The following SEMA5B variants were observed in gnomAD, a reference collection of about 807,000 sequenced individuals.
The protein encoded by SEMA5B is semaphorin 5B, also known as semaphorin-5B.
SEMA5B carries 66 observed loss-of-function variants against 135.0 expected under a neutral mutation model. The ratio of observed to expected loss-of-function variants is 0.49; its 90% CI spans 0.40 to 0.60. The LOEUF (loss-of-function observed/expected upper bound fraction) is 0.60, where lower values mean the gene tolerates loss of function less well. Among genes scored for constraint, SEMA5B ranks in the 20% least tolerant of loss-of-function variants. The pLI is 0.00. For missense variants in SEMA5B, 1,501 were observed against 1,566.3 expected, an observed-to-expected ratio of 0.96 and a Z score of 0.70; for synonymous variants, 690 against 639.5, an observed-to-expected ratio of 1.08 and a Z score of -1.19.
At chr3:122,966,960 A>C (rs1293284898) in intron 1 of SEMA5B, among the ~76,000 whole-genome samples, 1 of 144,572 alleles carries the variant, frequency 6.9e-6, no homozygotes, top group African/African-American at 2.6e-5. Context: ...TCTTGGCTCA[A>C]CACAACCTCT....
At chr3:122,912,793 C>T (rs768615494) in intron 18 of SEMA5B, 50 bp downstream of exon 18, 7 of 1,489,190 alleles carry the variant, frequency 4.7e-6, no homozygotes, top group Non-Finnish European at 6.3e-6. Context: ...AGGGGGCCTC[C>T]AGGATGACAG....
intron 2 of SEMA5B, among the ~76,000 whole-genome samples, chr3:122,960,819 G>A (rs1047437657): frequency 2.0e-5 from 3 of 152,192 alleles, no homozygotes; most frequent in African/African-American, 7.2e-5. Context: ...TGGGGCGGGA[G>A]GAAGCCAGAG....
chr3:122,927,752 C>T (rs868787372), intron 8 of SEMA5B, 38 bp downstream of exon 8: 4 of 1,368,918 alleles, frequency 2.9e-6, no homozygotes, highest in Non-Finnish European at 3.8e-6. Flanking sequence ...GGCTCAAAAC[C>T]AGGGGAGTCC....
At chr3:123,026,614 C>T (rs1035253587) in intron 1 of SEMA5B, among the ~76,000 whole-genome samples, 1 of 152,218 alleles carries the variant, frequency 6.6e-6, no homozygotes, top group Non-Finnish European at 1.5e-5. Flanking sequence ...GGCTCCCGCC[C>T]CGCGCGGGTC....
At chr3:122,925,216 C>T (rs188870143) in intron 9 of SEMA5B, among the ~76,000 whole-genome samples, 100 of 152,018 alleles carry the variant, frequency 6.6e-4, no homozygotes, top group Non-Finnish European at 8.8e-4. Context: ...CTACAAAGCA[C>T]ACTGTGCAGC....
intron 1 of SEMA5B, among the ~76,000 whole-genome samples, chr3:122,972,762 A>G (rs1941174874): frequency 6.6e-6 from 1 of 152,176 alleles, no homozygotes; most frequent in African/African-American, 2.4e-5. Context: ...CACAACCACG[A>G]TGCCATCAGA....
rs572365070 is a variant in SEMA5B, at chr3:122,928,023, G to A, written c.637-20C>T. 20 of 1,445,398 alleles carry A rather than the reference G, an allele frequency of 1.4e-5. No individual in the cohort carries two copies. The highest frequency in any genetic ancestry group is 1.9e-4 in the Middle Eastern group (1 of 5,284). The allele number at this position is 1,445,398 out of a possible 1,614,324, so 89.5% of individuals were successfully genotyped here. ...CCCCACCTGGGGACAATGGGGAGAA[G>A]GGGACACTTTTCCCTGAGGCCCTGG... On this transcript the variant is annotated intron_variant, in intron 7 of 22. Coordinates refer to ENST00000357599, the MANE Select transcript of SEMA5B (RefSeq NM_001031702.4).
chr3:122,948,976 T>G (rs1249576618), intron 2 of SEMA5B, among the ~76,000 whole-genome samples: 1 of 152,236 alleles, frequency 6.6e-6, no homozygotes, highest in Admixed American at 6.5e-5. Flanking sequence ...AAATTAGTTT[T>G]AATGATAAAG....
At chr3:123,004,495 G>A (rs768259768) in intron 1 of SEMA5B, among the ~76,000 whole-genome samples, 3 of 152,178 alleles carry the variant, frequency 2.0e-5, no homozygotes, top group South Asian at 2.1e-4. Flanking sequence ...GCATTACTCC[G>A]TGTAAGAAGG....
chr3:123,019,212 C>G (rs1942624114), intron 1 of SEMA5B, among the ~76,000 whole-genome samples: 1 of 152,138 alleles, frequency 6.6e-6, no homozygotes, highest in Non-Finnish European at 1.5e-5. Context: ...GGGTTTAAAT[C>G]CCAGGTCTAC....
chr3:122,981,192 C>T (rs547003524), intron 1 of SEMA5B, among the ~76,000 whole-genome samples: 1 of 152,352 alleles, frequency 6.6e-6, no homozygotes, highest in East Asian at 1.9e-4. Flanking sequence ...GCCCTCCCTC[C>T]CTTTAGGATT....
intron 1 of SEMA5B, among the ~76,000 whole-genome samples, chr3:122,977,014 T>C (rs1314787579): frequency 6.6e-6 from 1 of 152,146 alleles, no homozygotes; most frequent in Middle Eastern, 3.2e-3. Context: ...CGGGCCACTG[T>C]ACTCCAGCCT....
At chr3:122,967,042 A>G (rs1940881268) in intron 1 of SEMA5B, among the ~76,000 whole-genome samples, 1 of 150,566 alleles carries the variant, frequency 6.6e-6, no homozygotes, top group Middle Eastern at 3.2e-3. Context: ...CCGCCACCAC[A>G]TCCGGTTAAT....
intron 1 of SEMA5B, among the ~76,000 whole-genome samples, chr3:123,017,196 T>C (rs1321048472): frequency 6.6e-6 from 1 of 152,062 alleles, no homozygotes; most frequent in Non-Finnish European, 1.5e-5. Context: ...CCCAGATGCA[T>C]TTTTTAAAAA....
intron 20 of SEMA5B, 74 bp downstream of exon 20, chr3:122,911,846 G>T: frequency 6.7e-7 from 1 of 1,484,944 alleles, no homozygotes; most frequent in Non-Finnish European, 9.0e-7. Flanking sequence ...CAGGACACAA[G>T]CTTCAGAAGG....
At chr3:123,003,609 C>T (rs6438775) in intron 1 of SEMA5B, among the ~76,000 whole-genome samples, 41,818 of 151,926 alleles carry the variant, frequency 0.28, 6,769 homozygotes, top group Admixed American at 0.41. Flanking sequence ...TCAAGGCAGG[C>T]GAATCACGAG....
intron 1 of SEMA5B, among the ~76,000 whole-genome samples, chr3:123,022,982 C>T (rs569935583): frequency 6.6e-6 from 1 of 152,322 alleles, no homozygotes; most frequent in South Asian, 2.1e-4. Flanking sequence ...GAATGGCATA[C>T]ACGAAGATCC....
chr3:122,973,922 G>A (rs777440733), intron 1 of SEMA5B, among the ~76,000 whole-genome samples: 4 of 152,178 alleles, frequency 2.6e-5, no homozygotes, highest in Non-Finnish European at 5.9e-5. Context: ...TGGTACTCTG[G>A]GTCCTGCCAG....
At chr3:122,924,271 A>G (rs1938513052) in intron 9 of SEMA5B, among the ~76,000 whole-genome samples, 1 of 152,240 alleles carries the variant, frequency 6.6e-6, no homozygotes, top group Non-Finnish European at 1.5e-5. Context: ...TTTCAGTCAC[A>G]GAAGCATGTT....
Sources: gnomAD v4.1 joint callset for allele counts (sites outside exome capture counted in the v4.1 genomes callset) on GRCh38, gnomAD v4.1.1 for gene constraint, MANE v1.5 for transcripts, NCBI Gene and HGNC (gene_info 2026-07-23, HGNC 2026-07-21) for gene names.